ANKRD45: variants seen among roughly 807,000 people sequenced by gnomAD.
ANKRD45 encodes ankyrin repeat domain-containing protein 45.
In ANKRD45, 21 loss-of-function variants were observed where a neutral mutation model predicts 28.1. The observed-to-expected ratio is 0.75, with a 90% confidence interval of 0.53 to 1.08. The LOEUF (loss-of-function observed/expected upper bound fraction) is 1.08. Among genes scored for constraint, ANKRD45 ranks in the 50% least tolerant of loss-of-function variants. The pLI is 0.00. For missense variants in ANKRD45, 261 were observed against 308.7 expected (o/e 0.85, Z 1.16); for synonymous variants, 86 against 103.9 (o/e 0.83, Z 1.05).
At chr1:173,625,753 C>A (rs978184073) in intron 4 of ANKRD45, among the ~76,000 whole-genome samples, 3 of 151,770 alleles carry the variant, frequency 2.0e-5, no homozygotes, top group Non-Finnish European at 4.4e-5. Context: ...AAAACAAAAT[C>A]TTTCATAAAA....
At chr1:173,691,350 C>A in the ANKRD45 span, among the ~76,000 whole-genome samples, 1 of 152,188 alleles carries the variant, frequency 6.6e-6, no homozygotes, top group African/African-American at 2.4e-5. Flanking sequence ...CACCTCCTCA[C>A]GAGAGTGAAC....
chr1:173,691,153 C>T, the ANKRD45 span, among the ~76,000 whole-genome samples: 2 of 152,236 alleles, frequency 1.3e-5, no homozygotes, highest in African/African-American at 2.4e-5. Context: ...CTGGCTCCCA[C>T]GGCTTCTCCT....
chr1:173,695,640 T>A, the ANKRD45 span, among the ~76,000 whole-genome samples: 4 of 152,202 alleles, frequency 2.6e-5, no homozygotes, highest in African/African-American at 9.6e-5. Flanking sequence ...TCTCTGCTAT[T>A]GTGACTAGTG....
upstream of ANKRD45, among the ~76,000 whole-genome samples, chr1:173,670,689 G>A (rs1670219584): frequency 6.6e-6 from 1 of 152,160 alleles, no homozygotes. Flanking sequence ...CACCAGGAAT[G>A]TCAGGCGACC....
chr1:173,670,636 C>T (rs1421216570), upstream of ANKRD45, among the ~76,000 whole-genome samples: 1 of 152,188 alleles, frequency 6.6e-6, no homozygotes, highest in Non-Finnish European at 1.5e-5. Flanking sequence ...ACCATTGTTA[C>T]AGTAGGTAGT....
chr1:173,703,316 G>A, the ANKRD45 span, among the ~76,000 whole-genome samples: 2 of 151,584 alleles, frequency 1.3e-5, no homozygotes, highest in East Asian at 3.9e-4. Flanking sequence ...CCATTCTCCT[G>A]CCTCAGCCTC....
the ANKRD45 span, among the ~76,000 whole-genome samples, chr1:173,708,430 T>C: frequency 2.0e-5 from 3 of 152,176 alleles, no homozygotes; most frequent in African/African-American, 4.8e-5. Flanking sequence ...CCAGAGGAGG[T>C]AGCAGCAGGA....
chr1:173,701,283 T>C, the ANKRD45 span, among the ~76,000 whole-genome samples: 1 of 152,152 alleles, frequency 6.6e-6, no homozygotes, highest in African/African-American at 2.4e-5. Context: ...GATCTAGAAC[T>C]AGAAATACCA....
At chr1:173,696,996 T>C in the ANKRD45 span, among the ~76,000 whole-genome samples, 2 of 152,126 alleles carry the variant, frequency 1.3e-5, no homozygotes, top group African/African-American at 4.8e-5. Flanking sequence ...CTGAAAACCA[T>C]GGCAGGAGAA....
At chr1:173,677,785 C>A in the ANKRD45 span, among the ~76,000 whole-genome samples, 3 of 151,644 alleles carry the variant, frequency 2.0e-5, no homozygotes, top group South Asian at 4.2e-4. Flanking sequence ...TAAAAAAAAA[C>A]AATTATCAGG....
rs186330547 is a variant in ANKRD45, at chr1:173,609,618, G to A, written c.*527C>T. The A allele has an allele frequency of 6.5e-6, 1 of 152,910 alleles. No homozygotes were observed. The highest frequency in any genetic ancestry group is 1.5e-5 in the Non-Finnish European group (1 of 68,526). The allele number at this position is 152,910 out of a possible 1,614,324, so 9.5% of individuals were successfully genotyped here. A position where few individuals can be genotyped will look rare whatever the true frequency, so the allele number is the denominator to read the frequency against. ...AATTTACAGATAGAAGGAGGTCAAA[G>A]ATAAAGAGGGGTTTTACTCAGAGGT... On this transcript the variant is annotated 3_prime_UTR_variant, in exon 6 of 6. Coordinates refer to ENST00000333279, the MANE Select transcript of ANKRD45 (RefSeq NM_198493.3).
At chr1:173,705,382 G>A in the ANKRD45 span, among the ~76,000 whole-genome samples, 2 of 150,970 alleles carry the variant, frequency 1.3e-5, no homozygotes, top group South Asian at 2.1e-4. Context: ...AAAAATAGAC[G>A]GCCGAGCATG....
At chr1:173,615,284 C>A (rs1226425751) in intron 5 of ANKRD45, among the ~76,000 whole-genome samples, 10 of 151,036 alleles carry the variant, frequency 6.6e-5, no homozygotes, top group Non-Finnish European at 4.4e-5. Context: ...ACTCGGGAGG[C>A]TGAGGCAGGA....
chr1:173,633,322 A>G (rs1158531248), intron 3 of ANKRD45, among the ~76,000 whole-genome samples: 1 of 152,016 alleles, frequency 6.6e-6, no homozygotes, highest in Non-Finnish European at 1.5e-5. Flanking sequence ...AAAACTATAA[A>G]AGACTGATGC....
chr1:173,714,510 C>G, the ANKRD45 span, among the ~76,000 whole-genome samples: 9 of 152,272 alleles, frequency 5.9e-5, no homozygotes, highest in East Asian at 1.7e-3. Flanking sequence ...AGGATAAGGT[C>G]TATCTCTGGT....
At chr1:173,682,784 C>A in the ANKRD45 span, among the ~76,000 whole-genome samples, 1 of 151,512 alleles carries the variant, frequency 6.6e-6, no homozygotes, top group African/African-American at 2.4e-5. Context: ...TAAAAAAAGT[C>A]TTTTTAAATC....
chr1:173,698,393 TA>T, the ANKRD45 span, among the ~76,000 whole-genome samples: 1 of 152,164 alleles, frequency 6.6e-6, no homozygotes, highest in Non-Finnish European at 1.5e-5. Flanking sequence ...ACATTGTACT[TA>T]TTCCAAAATT....
intron 5 of ANKRD45, among the ~76,000 whole-genome samples, chr1:173,621,408 T>A (rs560084068): frequency 1.3e-5 from 2 of 152,274 alleles, no homozygotes; most frequent in African/African-American, 4.8e-5. Flanking sequence ...AAATCCTCAA[T>A]AAAATACTGG....
At position 173,627,162 on chromosome 1, in the gene ANKRD45, G is replaced by A; in HGVS notation, c.497-3C>T. 1 of 1,590,696 alleles carries A rather than the reference G, an allele frequency of 6.3e-7. No individual in the cohort carries two copies. On this transcript the variant is annotated splice_region_variant and splice_polypyrimidine_tract_variant and intron_variant, in intron 3 of 5. Coordinates refer to ENST00000333279, the MANE Select transcript of ANKRD45 (RefSeq NM_198493.3). ...TTTTTTCAGAGTCAGCCTTGCATCT[G>A]AAAGAATGGACAGAAACACACACAT...
Sources: gnomAD v4.1 joint callset for allele counts (sites outside exome capture counted in the v4.1 genomes callset) on GRCh38, gnomAD v4.1.1 for gene constraint, MANE v1.5 for transcripts, NCBI Gene and HGNC (gene_info 2026-07-23, HGNC 2026-07-21) for gene names.